MYO3A: variants seen among roughly 807,000 people sequenced by gnomAD.
MYO3A encodes myosin-IIIa.
MYO3A carries 180 observed loss-of-function variants against 192.7 expected under a neutral mutation model. The ratio of observed to expected loss-of-function variants is 0.93; its 90% CI spans 0.83 to 1.06. The LOEUF (loss-of-function observed/expected upper bound fraction) is 1.06, where lower values mean the gene tolerates loss of function less well. Among genes scored for constraint, MYO3A ranks in the 50% least tolerant of loss-of-function variants. MYO3A has a pLI of 0.00. For missense variants in MYO3A, 1,896 were observed against 1,905.0 expected, an observed-to-expected ratio of 1.00 and a Z score of 0.09; for synonymous variants, 628 against 645.3, an observed-to-expected ratio of 0.97 and a Z score of 0.41.
At chr10:26,088,893 T>G (rs117876941) in intron 15 of MYO3A, among the ~76,000 whole-genome samples, 2,795 of 152,322 alleles carry the variant, frequency 0.018, 38 homozygotes, top group Non-Finnish European at 0.024. Context: ...AAGCCATCAA[T>G]ACTCTTCATA....
At chr10:25,979,958 C>T (rs58092961) in intron 4 of MYO3A, among the ~76,000 whole-genome samples, 1,704 of 152,082 alleles carry the variant, frequency 0.011, 37 homozygotes, top group African/African-American at 0.037. Context: ...AAGGAAAGGC[C>T]GGGCGCAATG....
chr10:25,942,025 G>A (rs185868021), intron 2 of MYO3A, among the ~76,000 whole-genome samples: 319 of 142,324 alleles, frequency 2.2e-3, no homozygotes, highest in African/African-American at 7.7e-3. Context: ...TTTTTTAGAT[G>A]GAGTCTCTCT....
At chr10:26,033,778 C>T (rs952869727) in intron 10 of MYO3A, among the ~76,000 whole-genome samples, 16 of 152,088 alleles carry the variant, frequency 1.1e-4, no homozygotes, top group South Asian at 2.1e-4. Context: ...TCCAGGAGGT[C>T]GCCTTTGAAT....
chr10:26,015,740 T>C (rs1841949197), intron 6 of MYO3A, among the ~76,000 whole-genome samples: 1 of 152,236 alleles, frequency 6.6e-6, no homozygotes, highest in African/African-American at 2.4e-5. Context: ...GCATGTGTCC[T>C]GTTTTTAATG....
chr10:26,184,289 T>C (rs1842761904), intron 31 of MYO3A, among the ~76,000 whole-genome samples: 2 of 152,320 alleles, frequency 1.3e-5, no homozygotes, highest in South Asian at 4.1e-4. Context: ...TGAGTCTGCC[T>C]TTAACATGCA....
chr10:26,120,623 G>A, intron 17 of MYO3A, 53 bp from the exon 18 acceptor site: 2 of 1,611,768 alleles, frequency 1.2e-6, no homozygotes, highest in Non-Finnish European at 1.7e-6. Context: ...ATAGTCACTG[G>A]TTGGCTGTAC....
rs1485213245 is a variant in MYO3A at position 26,211,950 on chromosome 10, T to C, written c.4838T>C (p.Val1613Ala). The C allele has an allele frequency of 6.2e-7, 1 of 1,613,892 alleles. No individual in the cohort carries two copies. Among genetic ancestry groups the C allele is most frequent in the Admixed American group, 1.7e-5 (1 of 60,014 alleles). The change falls in exon 35 of 35, where the codon GTC becomes GCC. Residue 1613 changes from valine to alanine, a missense_variant. Val to Ala is a moderately conservative substitution (Grantham distance 64, BLOSUM62 0). Coordinates refer to ENST00000642920, the MANE Select transcript of MYO3A (RefSeq NM_017433.5). ...LRKTSQRRRL[V>A]QQS ...AAAACCTCCCAGCGCCGGCGCCTCG[T>C]CCAGCAGTCCTAACCGTTCAACGAG...
chr10:26,005,313 T>TAA (rs111466507), intron 6 of MYO3A, among the ~76,000 whole-genome samples: 1 of 151,352 alleles, frequency 6.6e-6, no homozygotes, highest in Non-Finnish European at 1.5e-5. Flanking sequence ...CCTGAAATCT[T>TAA]AAAAAAAAAT....
Position 26,061,131 on chromosome 10 carries a change from G to A in MYO3A, c.954-5844G>A, listed in dbSNP as rs543535631. Among the ~76,000 whole-genome samples, 17 of 151,936 alleles carry A rather than the reference G, an allele frequency of 1.1e-4. No homozygotes were observed. The South Asian group carries it at 2.7e-3, about 24-fold the overall frequency. On this transcript the variant is annotated intron_variant, in intron 10 of 34. Coordinates refer to ENST00000642920, the MANE Select transcript of MYO3A (RefSeq NM_017433.5). ...TTTTTAGTAGAGACGGGGTTTCACC[G>A]TGTTAGCCAGGATGGTCTCGATCTC...
chr10:26,049,523 G>A (rs1418740397), intron 10 of MYO3A, among the ~76,000 whole-genome samples: 1 of 152,066 alleles, frequency 6.6e-6, no homozygotes, highest in African/African-American at 2.4e-5. Flanking sequence ...ACATATGAGA[G>A]GGGATCATTA....
chr10:26,109,996 A>C (rs923731484), intron 17 of MYO3A, among the ~76,000 whole-genome samples: 3 of 152,208 alleles, frequency 2.0e-5, no homozygotes, highest in Non-Finnish European at 4.4e-5. Flanking sequence ...TTACCAGAAC[A>C]TTATGAATTA....
At chr10:26,010,561 T>A (rs971239550) in intron 6 of MYO3A, among the ~76,000 whole-genome samples, 1 of 151,930 alleles carries the variant, frequency 6.6e-6, no homozygotes, top group Non-Finnish European at 1.5e-5. Context: ...CCTCCTGGAT[T>A]CAAGCGATTC....
chr10:26,018,573 T>G (rs1301351938), intron 7 of MYO3A, among the ~76,000 whole-genome samples: 1 of 152,194 alleles, frequency 6.6e-6, no homozygotes, highest in Non-Finnish European at 1.5e-5. Flanking sequence ...CATGTTTAAA[T>G]TAAATTCTAT....
At chr10:25,955,194 A>G (rs923398939) in intron 4 of MYO3A, among the ~76,000 whole-genome samples, 186 bp downstream of exon 4, 1 of 152,186 alleles carries the variant, frequency 6.6e-6, no homozygotes, top group Non-Finnish European at 1.5e-5. Context: ...AAGGAAAGCC[A>G]CAAAGACTAG....
intron 14 of MYO3A, among the ~76,000 whole-genome samples, chr10:26,082,165 A>T (rs1835999873): frequency 6.6e-6 from 1 of 152,020 alleles, no homozygotes; most frequent in South Asian, 2.1e-4. Flanking sequence ...GATTGCATTG[A>T]TTCTGTATAT....
At chr10:26,044,139 A>G (rs563880810) in intron 10 of MYO3A, among the ~76,000 whole-genome samples, 2 of 152,186 alleles carry the variant, frequency 1.3e-5, no homozygotes, top group African/African-American at 4.8e-5. Flanking sequence ...AGGGGACCTC[A>G]TGACTCTGAT....
chr10:26,088,145 A>G, intron 14 of MYO3A, 58 bp from the exon 15 acceptor site: 6 of 1,345,104 alleles, frequency 4.5e-6, no homozygotes, highest in Non-Finnish European at 3.1e-6. Flanking sequence ...GAGACATTTC[A>G]TTATATACCA....
chr10:26,097,801 G>A (rs999292040), intron 17 of MYO3A, among the ~76,000 whole-genome samples: 4 of 152,112 alleles, frequency 2.6e-5, no homozygotes, highest in African/African-American at 9.7e-5. Context: ...GGACATTTGG[G>A]TTGGTTCCAA....
At chr10:26,140,803 A>G (rs189662379) in intron 20 of MYO3A, among the ~76,000 whole-genome samples, 100 of 152,258 alleles carry the variant, frequency 6.6e-4, no homozygotes, top group African/African-American at 2.2e-3. Flanking sequence ...TTATTCATCT[A>G]TTTTCAAAAG....
Sources: gnomAD v4.1 joint callset for allele counts (sites outside exome capture counted in the v4.1 genomes callset) on GRCh38, gnomAD v4.1.1 for gene constraint, MANE v1.5 for transcripts, NCBI Gene and HGNC (gene_info 2026-07-23, HGNC 2026-07-21) for gene names.